The following VPS13B variants were observed in gnomAD, a reference collection of about 807,000 sequenced individuals.
The protein encoded by VPS13B is vacuolar protein sorting 13 homolog B, also known as intermembrane lipid transfer protein VPS13B.
A neutral mutation model predicts 426.4 loss-of-function variants in VPS13B; 285 were observed. The observed-to-expected ratio is 0.67, with a 90% confidence interval of 0.61 to 0.74. The LOEUF (loss-of-function observed/expected upper bound fraction) is 0.74. Ranked by LOEUF, VPS13B falls within the 30% of genes least tolerant of loss-of-function variation. The pLI is 0.00. For missense variants in VPS13B, 4,537 were observed against 4,782.6 expected (o/e 0.95, Z 1.51); for synonymous variants, 1,676 against 1,676.4 (o/e 1.00, Z 0.01).
intron 23 of VPS13B, among the ~76,000 whole-genome samples, chr8:99,448,947 T>C (rs1264946934): frequency 6.6e-6 from 1 of 152,196 alleles, no homozygotes; most frequent in Non-Finnish European, 1.5e-5. Flanking sequence ...CTTTCCATTC[T>C]ACTTCTCTGA....
At chr8:99,164,977 A>G (rs1044872545) in intron 15 of VPS13B, among the ~76,000 whole-genome samples, 4 of 152,214 alleles carry the variant, frequency 2.6e-5, no homozygotes, top group Non-Finnish European at 4.4e-5. Flanking sequence ...AAAATGATTC[A>G]TAATTCCCAC....
chr8:99,175,890 A>G (rs949443848), intron 16 of VPS13B, among the ~76,000 whole-genome samples: 37 of 152,250 alleles, frequency 2.4e-4, no homozygotes, highest in African/African-American at 6.3e-4. Context: ...TCATAACTGC[A>G]TAAAGTTAAT....
chr8:99,015,851 C>T (rs894443955), intron 2 of VPS13B, among the ~76,000 whole-genome samples: 3 of 152,088 alleles, frequency 2.0e-5, no homozygotes, highest in South Asian at 4.2e-4. Context: ...TGCAGTGAGC[C>T]GAGATCATGC....
intron 33 of VPS13B, among the ~76,000 whole-genome samples, chr8:99,626,469 C>T (rs1379674549): frequency 6.6e-6 from 1 of 152,122 alleles, no homozygotes; most frequent in African/African-American, 2.4e-5. Context: ...GGGGAAGTGC[C>T]TGCTAATGGG....
At chr8:99,162,819 G>A (rs943115236) in intron 15 of VPS13B, among the ~76,000 whole-genome samples, 5 of 152,144 alleles carry the variant, frequency 3.3e-5, no homozygotes, top group Admixed American at 3.3e-4. Context: ...AAGGGAACCC[G>A]AGCGGGTTGC....
intron 17 of VPS13B, among the ~76,000 whole-genome samples, chr8:99,247,829 C>A (rs1168778170): frequency 1.3e-5 from 2 of 151,364 alleles, no homozygotes; most frequent in Non-Finnish European, 2.9e-5. Flanking sequence ...TTATTTGGGG[C>A]AGGGAAAAAA....
intron 35 of VPS13B, among the ~76,000 whole-genome samples, chr8:99,672,366 AT>A (rs561140925): frequency 1.3e-5 from 2 of 152,004 alleles, no homozygotes; most frequent in Non-Finnish European, 2.9e-5. Flanking sequence ...GTATTTAATA[AT>A]TTTTTTAGCT....
chr8:99,161,926 T>G (rs1375024034), intron 15 of VPS13B, among the ~76,000 whole-genome samples: 1 of 152,022 alleles, frequency 6.6e-6, no homozygotes, highest in Admixed American at 6.5e-5. Context: ...AGAGACAGGG[T>G]CTCACCATGT....
chr8:99,442,298 G>A (rs1588384456), intron 22 of VPS13B, 103 bp from the exon 23 acceptor site: 1 of 940,692 alleles, frequency 1.1e-6, no homozygotes, highest in Non-Finnish European at 1.7e-6. Context: ...ACATAAATAT[G>A]GAACATTTAC....
At chr8:99,135,280 A>T in intron 10 of VPS13B, 143 bp downstream of exon 10, 1 of 1,303,118 alleles carries the variant, frequency 7.7e-7, no homozygotes. Flanking sequence ...CCTGTGTTTC[A>T]CCTGCCAGAA....
intron 21 of VPS13B, among the ~76,000 whole-genome samples, chr8:99,394,102 T>C (rs1439704213): frequency 6.6e-6 from 1 of 152,158 alleles, no homozygotes; most frequent in Non-Finnish European, 1.5e-5. Context: ...TAGCATTAGG[T>C]ATAAATCAGT....
In VPS13B at chr8:99,511,328, T is replaced by G; in HGVS notation, c.4449T>G (p.Leu1483=). ...AFDIVLYFPL[L]NAIASIFQAK... is the part of the protein sequence containing the mutation. ...ATATTGTTCTTTATTTTCCTTTACTTAATGCCATTGCAAGTATATTTCAAG... is the reference window on the plus strand; with the variant it reads ...ATATTGTTCTTTATTTTCCTTTACTGAATGCCATTGCAAGTATATTTCAAG... The change falls in exon 29 of 62, where the codon CTT becomes CTG. Residue 1483 remains leucine, a synonymous_variant. Transcript: ENST00000357162. 6.2e-7 allele frequency: 1 copy of G among 1,613,944 alleles called. No homozygotes were observed. Among genetic ancestry groups the G allele is most frequent in the East Asian group, 2.2e-5 (1 of 44,840 alleles).
intron 16 of VPS13B, among the ~76,000 whole-genome samples, chr8:99,184,723 G>A (rs1275281512): frequency 6.6e-6 from 1 of 152,198 alleles, no homozygotes; most frequent in Non-Finnish European, 1.5e-5. Context: ...AGGCATGGTG[G>A]CTCACACCTG....
intron 3 of VPS13B, among the ~76,000 whole-genome samples, chr8:99,095,813 A>G (rs1388239043): frequency 6.6e-6 from 1 of 152,192 alleles, no homozygotes; most frequent in Non-Finnish European, 1.5e-5. Context: ...ATGATAATTT[A>G]GTATACATTG....
intron 15 of VPS13B, among the ~76,000 whole-genome samples, chr8:99,165,262 T>C (rs1811936855): frequency 6.6e-6 from 1 of 152,234 alleles, no homozygotes; most frequent in African/African-American, 2.4e-5. Flanking sequence ...TGTTGTACAA[T>C]AGATCTTTTA....
At chr8:99,660,267 C>A (rs899500373) in intron 34 of VPS13B, among the ~76,000 whole-genome samples, 1 of 152,094 alleles carries the variant, frequency 6.6e-6, no homozygotes, top group Non-Finnish European at 1.5e-5. Flanking sequence ...AATACAAATT[C>A]CAAGGCAGAA....
At chr8:99,282,606 C>T (rs1329490464) in intron 19 of VPS13B, among the ~76,000 whole-genome samples, 1 of 152,116 alleles carries the variant, frequency 6.6e-6, no homozygotes, top group Non-Finnish European at 1.5e-5. Flanking sequence ...TTTAAAGTAT[C>T]TGCTTAGCTG....
intron 3 of VPS13B, among the ~76,000 whole-genome samples, chr8:99,085,466 T>A: frequency 6.6e-6 from 1 of 152,224 alleles, no homozygotes; most frequent in East Asian, 1.9e-4. Context: ...TTAAGGTTAA[T>A]ATTGTTATGT....
In VPS13B at chr8:99,354,266, C is replaced by CTTTTT. The variant is rs71273176; in HGVS notation, c.2825-29907_2825-29903dup. ...TTCTACTGTAGCCCCCTCCCCCTGC[C>CTTTTT]TTTTTTTTTTTTTTTTTTTTTTTTT... On this transcript the variant is annotated intron_variant, in intron 19 of 61. Transcript: ENST00000357162. 6.3e-3 allele frequency among the ~76,000 whole-genome samples: 140 copies of CTTTTT among 22,176 alleles called. 28 individuals carry two copies. Among genetic ancestry groups the CTTTTT allele is most frequent in the African/African-American group, 9.2e-3 (60 of 6,488 alleles). The allele number at this position is 22,176 out of a possible 152,430, so 14.5% of individuals were successfully genotyped here.
Sources: gnomAD v4.1 joint callset for allele counts (sites outside exome capture counted in the v4.1 genomes callset) on GRCh38, gnomAD v4.1.1 for gene constraint, MANE v1.5 for transcripts, NCBI Gene and HGNC (gene_info 2026-07-23, HGNC 2026-07-21) for gene names.